GPD2: variants seen among roughly 807,000 people sequenced by gnomAD.
GPD2 encodes the protein glycerol-3-phosphate dehydrogenase, mitochondrial.
GPD2 carries 54 observed loss-of-function variants against 82.4 expected under a neutral mutation model. That is an observed-to-expected ratio of 0.66 (90% CI 0.53 to 0.82). The LOEUF is 0.82. Ranked by LOEUF, GPD2 falls within the 40% of genes least tolerant of loss-of-function variation. The pLI, the probability that GPD2 is intolerant of heterozygous loss-of-function variation, is 0.00. For synonymous variants in GPD2, 288 were observed against 306.1 expected (o/e 0.94, Z 0.62); for missense variants, 748 against 896.2 (o/e 0.83, Z 2.11).
chr2:156,422,131 T>C, the GPD2 span, among the ~76,000 whole-genome samples: 1 of 152,126 alleles, frequency 6.6e-6, no homozygotes, highest in Non-Finnish European at 1.5e-5. Context: ...GTATTTAAAA[T>C]GTTCATCAAC....
At chr2:156,491,730 A>G (rs1424293695) in intron 2 of GPD2, among the ~76,000 whole-genome samples, 4 of 152,090 alleles carry the variant, frequency 2.6e-5, no homozygotes, top group Non-Finnish European at 5.9e-5. Context: ...TTACCTTTAT[A>G]AGACACTCCT....
intron 1 of GPD2, among the ~76,000 whole-genome samples, chr2:156,470,573 T>C (rs1007572726): frequency 1.3e-5 from 2 of 152,128 alleles, no homozygotes. Flanking sequence ...GACAGGGAGA[T>C]GAGTAGGAGA....
intron 1 of GPD2, among the ~76,000 whole-genome samples, chr2:156,456,550 C>G (rs1289484182): frequency 3.3e-5 from 5 of 151,708 alleles, no homozygotes; most frequent in Non-Finnish European, 7.4e-5. Flanking sequence ...TTGCAGAGAT[C>G]ACACCACTGC....
chr2:156,535,363 G>T (rs560763637), intron 6 of GPD2, among the ~76,000 whole-genome samples: 115 of 113,002 alleles, frequency 1.0e-3, no homozygotes, highest in African/African-American at 3.6e-3. Flanking sequence ...AAGAAAGAGA[G>T]AGAGAGCGAG....
intron 2 of GPD2, among the ~76,000 whole-genome samples, chr2:156,488,337 A>G (rs999831140): frequency 5.3e-5 from 8 of 152,198 alleles, no homozygotes; most frequent in African/African-American, 1.9e-4. Flanking sequence ...AGGAATATAT[A>G]AATATGGTTA....
intron 8 of GPD2, among the ~76,000 whole-genome samples, chr2:156,553,520 A>G (rs1030511325): frequency 1.3e-5 from 2 of 152,226 alleles, no homozygotes. Context: ...ATGTAAGTAC[A>G]TAACTAGAAA....
At chr2:156,413,532 C>T in the GPD2 span, among the ~76,000 whole-genome samples, 47 of 149,474 alleles carry the variant, frequency 3.1e-4, no homozygotes, top group African/African-American at 1.1e-3. Flanking sequence ...TGCAGTGATC[C>T]GAGATCATGC....
At chr2:156,553,781 G>C (rs539813142) in intron 8 of GPD2, among the ~76,000 whole-genome samples, 1 of 152,172 alleles carries the variant, frequency 6.6e-6, no homozygotes, top group South Asian at 2.1e-4. Flanking sequence ...GAGTAGATTT[G>C]GTGTCTTTTA....
At chr2:156,401,028 G>C in the GPD2 span, among the ~76,000 whole-genome samples, 3 of 152,330 alleles carry the variant, frequency 2.0e-5, no homozygotes, top group East Asian at 5.8e-4. Flanking sequence ...AAGTGAAATA[G>C]GGAATTGGCT....
the GPD2 span, among the ~76,000 whole-genome samples, chr2:156,421,515 G>A: frequency 4.6e-5 from 7 of 152,114 alleles, no homozygotes; most frequent in East Asian, 1.9e-4. Flanking sequence ...GAAAATGTGC[G>A]TGTTAACATT....
the GPD2 span, among the ~76,000 whole-genome samples, chr2:156,411,887 TA>T: frequency 6.6e-6 from 1 of 152,128 alleles, no homozygotes; most frequent in Non-Finnish European, 1.5e-5. Context: ...GAATTCTTCC[TA>T]CATAATCTTT....
chr2:156,517,520 C>T (rs953133465), intron 6 of GPD2, among the ~76,000 whole-genome samples: 1 of 152,138 alleles, frequency 6.6e-6, no homozygotes, highest in Non-Finnish European at 1.5e-5. Context: ...ATCATATAGT[C>T]AACTCACTGG....
chr2:156,437,531 CCT>C (rs1681984741), intron 1 of GPD2, among the ~76,000 whole-genome samples: 1 of 152,126 alleles, frequency 6.6e-6, no homozygotes, highest in Non-Finnish European at 1.5e-5. Flanking sequence ...TTGAAACCCC[CCT>C]CTGTTTCTCA....
intron 1 of GPD2, among the ~76,000 whole-genome samples, chr2:156,439,513 GAAAAAAAA>G (rs1187242848): frequency 3.2e-5 from 1 of 31,622 alleles, no homozygotes; most frequent in African/African-American, 1.4e-4. Flanking sequence ...GACTGTCTCA[GAAAAAAAA>G]AAAAAAAAAA....
chr2:156,530,799 T>A (rs1238471112), intron 6 of GPD2, among the ~76,000 whole-genome samples: 1 of 152,192 alleles, frequency 6.6e-6, no homozygotes, highest in African/African-American at 2.4e-5. Flanking sequence ...TCATGGTGGA[T>A]AAGCTTTTCG....
chr2:156,516,144 C>T (rs115831808), intron 6 of GPD2, among the ~76,000 whole-genome samples: 159 of 152,236 alleles, frequency 1.0e-3, no homozygotes, highest in African/African-American at 3.7e-3. Flanking sequence ...AAACCCAAGT[C>T]TAAACATGGT....
At chr2:156,563,070 G>C (rs1339143429) in intron 9 of GPD2, among the ~76,000 whole-genome samples, 1 of 152,016 alleles carries the variant, frequency 6.6e-6, no homozygotes, top group East Asian at 1.9e-4. Flanking sequence ...TAATTTGGAA[G>C]GGAATATCCA....
At chr2:156,517,981 GTT>G (rs1231700242) in intron 6 of GPD2, among the ~76,000 whole-genome samples, 2 of 152,156 alleles carry the variant, frequency 1.3e-5, no homozygotes, top group African/African-American at 2.4e-5. Context: ...GATGTCTGTT[GTT>G]TCATACCCGA....
intron 6 of GPD2, among the ~76,000 whole-genome samples, chr2:156,515,184 A>T (rs1335611236): frequency 6.6e-6 from 1 of 152,144 alleles, no homozygotes; most frequent in Non-Finnish European, 1.5e-5. Context: ...AGGCCAAGGC[A>T]GCCAGATCAC....
Sources: gnomAD v4.1 joint callset for allele counts (sites outside exome capture counted in the v4.1 genomes callset) on GRCh38, gnomAD v4.1.1 for gene constraint, MANE v1.5 for transcripts, NCBI Gene and HGNC (gene_info 2026-07-23, HGNC 2026-07-21) for gene names.